APBB2: variants seen among roughly 807,000 people sequenced by gnomAD.
APBB2 encodes Fe65-like 1.
In APBB2, 38 loss-of-function variants were observed where a neutral mutation model predicts 82.5. The ratio of observed to expected loss-of-function variants is 0.46; its 90% CI spans 0.36 to 0.60. The LOEUF (loss-of-function observed/expected upper bound fraction) is 0.60. APBB2 is among the 20% of genes least tolerant of loss of function. The pLI is 0.00. For synonymous variants in APBB2, 341 were observed against 368.2 expected (o/e 0.93, Z 0.85); for missense variants, 772 against 972.3 (o/e 0.79, Z 2.74).
chr4:40,962,728 A>AAGGG (rs1395155309), intron 6 of APBB2, among the ~76,000 whole-genome samples: 1 of 151,842 alleles, frequency 6.6e-6, no homozygotes, highest in African/African-American at 2.4e-5. Flanking sequence ...GAAGTGGGGG[A>AAGGG]AGGGAGGGAA....
At chr4:40,934,964 G>A (rs551099494) in intron 8 of APBB2, 113 bp downstream of exon 8, 33 of 935,640 alleles carry the variant, frequency 3.5e-5, no homozygotes, top group Non-Finnish European at 4.4e-5. Context: ...CAAGAAGCCC[G>A]ATCACTGTGT....
intron 12 of APBB2, among the ~76,000 whole-genome samples, chr4:40,870,688 T>C (rs569393135): frequency 6.6e-6 from 1 of 152,154 alleles, no homozygotes; most frequent in African/African-American, 2.4e-5. Context: ...AAATGTTACC[T>C]TATAGGTATT....
rs559571542 is a variant in APBB2 at position 41,007,976 on chromosome 4, T to C, written c.835+5607A>G. Among the ~76,000 whole-genome samples, 105 of 152,364 alleles carry C rather than the reference T, an allele frequency of 6.9e-4. 1 individual carries two copies. Among genetic ancestry groups the C allele is most frequent in the African/African-American group, 2.2e-3 (93 of 41,592 alleles). ...CAGAGAAAGGACTTTATAAGGACTT[T>C]ATACAGCTCGGAGGGTCTAGAAAGG... On this transcript the variant is annotated intron_variant, in intron 6 of 17. Transcript: ENST00000508593.
At chr4:40,830,923 C>T (rs1751645091) in intron 12 of APBB2, among the ~76,000 whole-genome samples, 1 of 151,580 alleles carries the variant, frequency 6.6e-6, no homozygotes, top group African/African-American at 2.4e-5. Flanking sequence ...AAAACCAAAA[C>T]CAAAAAAAAA....
chr4:41,027,509 C>T (rs934443224), intron 5 of APBB2, among the ~76,000 whole-genome samples: 9 of 151,660 alleles, frequency 5.9e-5, no homozygotes, highest in African/African-American at 2.2e-4. Flanking sequence ...CTTGCCAACA[C>T]TTGTTATTGT....
intron 1 of APBB2, among the ~76,000 whole-genome samples, chr4:41,186,273 T>C (rs1772869872): frequency 6.6e-6 from 1 of 152,248 alleles, no homozygotes; most frequent in Admixed American, 6.5e-5. Flanking sequence ...AGAGCAGAAA[T>C]TGAACTAAAA....
At chr4:40,844,123 G>A (rs537981132) in intron 12 of APBB2, among the ~76,000 whole-genome samples, 2 of 150,550 alleles carry the variant, frequency 1.3e-5, no homozygotes, top group South Asian at 2.1e-4. Context: ...AAATTCCTAA[G>A]AGGATCTTTG....
intron 4 of APBB2, among the ~76,000 whole-genome samples, chr4:41,051,092 G>A (rs1725764041): frequency 6.6e-6 from 1 of 152,140 alleles, no homozygotes; most frequent in African/African-American, 2.4e-5. Context: ...GGGCAGGAAG[G>A]AAAGCGGAAG....
chr4:40,938,929 G>A (rs1455297180), intron 7 of APBB2, among the ~76,000 whole-genome samples: 1 of 152,154 alleles, frequency 6.6e-6, no homozygotes, highest in African/African-American at 2.4e-5. Flanking sequence ...CCTCATGAGT[G>A]GATTAATTCA....
In APBB2 at chr4:40,930,444, TGTGTGCGCGCGC is replaced by T. The variant is rs1188743755; in HGVS notation, c.1254+4000_1254+4011del. ...AAGTGTGTGTGTGTGTGTGTGTGTG[TGTGTGCGCGCGC>T]GCGCGCGCGCGTGCGCGTGCGCGTA... On this transcript the variant is annotated intron_variant, in intron 10 of 17. Coordinates refer to ENST00000508593, the MANE Select transcript of APBB2 (RefSeq NM_004307.2). 7.1e-3 allele frequency among the ~76,000 whole-genome samples: 432 copies of T among 60,924 alleles called. 2 individuals carry two copies. Among genetic ancestry groups the T allele is most frequent in the Admixed American group, 0.018 (109 of 5,928 alleles). The allele number at this position is 60,924 out of a possible 152,430, so 40.0% of individuals were successfully genotyped here.
At chr4:40,922,326 T>C (rs1483356895) in intron 10 of APBB2, among the ~76,000 whole-genome samples, 1 of 152,226 alleles carries the variant, frequency 6.6e-6, no homozygotes, top group Non-Finnish European at 1.5e-5. Flanking sequence ...CCCTGCTATG[T>C]ATGTACTAGC....
intron 12 of APBB2, chr4:40,879,946 C>A: frequency 1.1e-6 from 1 of 929,180 alleles, no homozygotes; most frequent in East Asian, 1.2e-4. Flanking sequence ...CCCGCCTCAG[C>A]CTCTCAAAGT....
chr4:40,907,163 TA>T (rs1464859607), intron 10 of APBB2, among the ~76,000 whole-genome samples: 2 of 151,630 alleles, frequency 1.3e-5, no homozygotes, highest in Admixed American at 1.3e-4. Flanking sequence ...GAAACTGAGG[TA>T]CAGGGTAGTT....
At chr4:41,066,739 CA>C (rs1407529662) in intron 3 of APBB2, among the ~76,000 whole-genome samples, 1 of 152,176 alleles carries the variant, frequency 6.6e-6, no homozygotes, top group Non-Finnish European at 1.5e-5. Flanking sequence ...GTGAGGCCTG[CA>C]GAGTGAGGCC....
chr4:40,821,679 G>T (rs1302156656), intron 17 of APBB2, among the ~76,000 whole-genome samples, 192 bp downstream of exon 17: 1 of 152,156 alleles, frequency 6.6e-6, no homozygotes, highest in African/African-American at 2.4e-5. Flanking sequence ...TCTTTCAGGA[G>T]TTCTGGCCTT....
intron 10 of APBB2, among the ~76,000 whole-genome samples, chr4:40,895,098 T>G (rs1024935455): frequency 4.6e-5 from 7 of 152,094 alleles, no homozygotes; most frequent in Admixed American, 1.3e-4. Flanking sequence ...TCATATTCGG[T>G]CAAGGGCCAC....
rs148833557 is a variant in APBB2, at chr4:41,129,257, G to C, written c.-261+13730C>G. 2.2e-3 allele frequency among the ~76,000 whole-genome samples: 330 copies of C among 152,232 alleles called. 1 individual carries two copies. The highest frequency in any genetic ancestry group is 7.4e-3 in the African/African-American group (308 of 41,546). On this transcript the variant is annotated intron_variant, in intron 2 of 17. Transcript: ENST00000508593. Reference sequence around the variant, plus strand: ...ATAAATTTGGGGAGTCAAGACTCCTGTGCAGGGTATTCAAGTCCCCTCTCA... The same window carrying C: ...ATAAATTTGGGGAGTCAAGACTCCTCTGCAGGGTATTCAAGTCCCCTCTCA...
intron 4 of APBB2, among the ~76,000 whole-genome samples, chr4:41,055,278 A>T (rs1216305835): frequency 1.3e-5 from 2 of 152,080 alleles, no homozygotes; most frequent in African/African-American, 4.8e-5. Flanking sequence ...CACACTCTTC[A>T]TTCCTCCATA....
At position 41,065,261 on chromosome 4, in the gene APBB2, G is replaced by C. The variant is rs141868142; in HGVS notation, c.-51+315C>G. Among the ~76,000 whole-genome samples the C allele has an allele frequency of 9.9e-5, 15 of 152,178 alleles. No homozygotes were observed. The East Asian group carries it at 2.1e-3, about 22-fold the overall frequency. The stretch of plus-strand genomic sequence containing the variant: ...GTTCATGCCACTGGACCCCAGCCTG[G>C]GCAACAGAGCAAGACCCTGTCTCAA... On this transcript the variant is annotated intron_variant, in intron 4 of 17. Transcript: ENST00000508593.
Sources: allele counts gnomAD v4.1 joint callset (sites outside exome capture counted in the v4.1 genomes callset), GRCh38; gene constraint gnomAD v4.1.1; transcripts MANE v1.5; gene names NCBI Gene and HGNC (gene_info 2026-07-23, HGNC 2026-07-21).